NPC1: variants seen among roughly 807,000 people sequenced by gnomAD.
The protein encoded by NPC1 is Niemann-Pick C1 protein.
Under a neutral mutation model 140.4 loss-of-function variants are expected in NPC1, and 85 were observed. That is an observed-to-expected ratio of 0.61 (90% CI 0.51 to 0.72). The LOEUF is 0.72. Ranked by LOEUF, NPC1 falls within the 30% of genes least tolerant of loss-of-function variation. NPC1 has a pLI of 0.00. For missense variants in NPC1, 1,504 were observed against 1,623.8 expected, an observed-to-expected ratio of 0.93 and a Z score of 1.27; for synonymous variants, 656 against 624.8, an observed-to-expected ratio of 1.05 and a Z score of -0.74.
intron 14 of NPC1, among the ~76,000 whole-genome samples, chr18:23,541,773 C>T (rs1420724901): frequency 6.6e-6 from 1 of 152,218 alleles, no homozygotes; most frequent in Non-Finnish European, 1.5e-5. Context: ...CTGTGCTTCA[C>T]TGTAAGAAAT....
intron 1 of NPC1, 106 bp from the exon 2 acceptor site, chr18:23,573,680 C>A: frequency 2.3e-6 from 3 of 1,332,390 alleles, no homozygotes; most frequent in Non-Finnish European, 3.2e-6. Context: ...ATGCTACCTG[C>A]AAAATTAAGT....
At chr18:23,510,322 CAA>C (rs1041112782) in intron 3 of NPC1, among the ~76,000 whole-genome samples, 1 of 133,974 alleles carries the variant, frequency 7.5e-6, no homozygotes, top group Non-Finnish European at 1.6e-5. Context: ...GACCCCATCT[CAA>C]AAAAAAAAAC....
chr18:23,513,401 C>T (rs940656994), intron 3 of NPC1, among the ~76,000 whole-genome samples: 3 of 152,194 alleles, frequency 2.0e-5, no homozygotes, highest in African/African-American at 4.8e-5. Context: ...CTGATAATAC[C>T]GCACTGAGCG....
At chr18:23,524,986 G>T (rs1469149668), downstream of NPC1, among the ~76,000 whole-genome samples, 1 of 106,230 alleles carries the variant, frequency 9.4e-6, no homozygotes, top group Admixed American at 1.5e-4. Context: ...TTTGCTCGTT[G>T]CCCAGGCTGG....
At chr18:23,541,598 T>C (rs924814707) in intron 14 of NPC1, among the ~76,000 whole-genome samples, 165 bp from the exon 15 acceptor site, 2 of 152,344 alleles carry the variant, frequency 1.3e-5, no homozygotes, top group Non-Finnish European at 2.9e-5. Flanking sequence ...CAGGAGGTGA[T>C]AAGCCAGTGC....
At chr18:23,512,411 T>C (rs2057886305) in intron 3 of NPC1, among the ~76,000 whole-genome samples, 1 of 152,136 alleles carries the variant, frequency 6.6e-6, no homozygotes, top group Non-Finnish European at 1.5e-5. Flanking sequence ...TAACTTCCTC[T>C]TAAAATTTTT....
chr18:23,512,516 C>T (rs1242595281), intron 3 of NPC1, among the ~76,000 whole-genome samples: 1 of 151,844 alleles, frequency 6.6e-6, no homozygotes, highest in African/African-American at 2.4e-5. Flanking sequence ...GACCTCCTAG[C>T]CTCACGTAGT....
rs2058521043 is a variant in NPC1, at chr18:23,531,844, T to TG, written c.*357dup. 1 of 1,462,876 alleles carries TG rather than the reference T, an allele frequency of 6.8e-7. No individual in the cohort carries two copies. The highest frequency in any genetic ancestry group is 2.4e-4 in the Middle Eastern group (1 of 4,172). The allele number at this position is 1,462,876 out of a possible 1,614,324, so 90.6% of individuals were successfully genotyped here. A position where few individuals can be genotyped will look rare whatever the true frequency, so the allele number is the denominator to read the frequency against. ...AAAATATGGTATAGAACTTGTGGGATGGCTTACTCCTAAAAGGAGAGACAG... is the reference window on the plus strand; with the variant it reads ...AAAATATGGTATAGAACTTGTGGGATGGGCTTACTCCTAAAAGGAGAGACAG... On this transcript the variant is annotated 3_prime_UTR_variant, in exon 25 of 25. Coordinates refer to ENST00000269228, the MANE Select transcript of NPC1 (RefSeq NM_000271.5).
chr18:23,553,597 A>G (rs147734803), intron 9 of NPC1, among the ~76,000 whole-genome samples: 71 of 152,332 alleles, frequency 4.7e-4, no homozygotes, highest in African/African-American at 1.5e-3. Context: ...GCAAAAAGGA[A>G]TAATTTCTCT....
rs1555639697 is a variant in NPC1, at chr18:23,564,005, T to TTTTTTTG, written c.464-2479_464-2478insCAAAAAA. The stretch of plus-strand genomic sequence containing the variant: ...AGTAAGAGTTTTTTTTTTTTTTTTT[T>TTTTTTTG]GGAGATGGAGTCTCTGTCCCTCAGG... On this transcript the variant is annotated intron_variant, in intron 4 of 24. Transcript: ENST00000269228. Among the ~76,000 whole-genome samples the TTTTTTTG allele has an allele frequency of 5.4e-3, 793 of 147,846 alleles. 9 individuals are homozygous for TTTTTTTG. Among genetic ancestry groups the TTTTTTTG allele is most frequent in the African/African-American group, 0.02 (766 of 38,636 alleles).
intron 20 of NPC1, among the ~76,000 whole-genome samples, chr18:23,537,746 CG>C (rs1377788367): frequency 6.6e-6 from 1 of 152,200 alleles, no homozygotes; most frequent in Non-Finnish European, 1.5e-5. Flanking sequence ...ACTTATTTTA[CG>C]TAGGCCAAAG....
rs867274673 is a variant in NPC1 at position 23,568,915 on chromosome 18, G to T, written c.371C>A (p.Thr124Lys). Residue 124 changes from threonine to lysine, a missense_variant, in exon 4 of 25, where the codon ACA becomes AAA. Coordinates refer to ENST00000269228, the MANE Select transcript of NPC1 (RefSeq NM_000271.5). Reference protein sequence around the residue: ...SPRQSQFLNVTATEDYVDPVT... With the variant: ...SPRQSQFLNVKATEDYVDPVT... ...AGGATCAACATAATCTTCAGTAGCTGTAACATTCAAAAACTGACTCTGTCG... is the reference window on the plus strand; with the variant it reads ...AGGATCAACATAATCTTCAGTAGCTTTAACATTCAAAAACTGACTCTGTCG... 1 of 1,613,744 alleles carries T rather than the reference G, an allele frequency of 6.2e-7. No individual in the cohort carries two copies. The highest frequency in any genetic ancestry group is 1.3e-5 in the African/African-American group (1 of 75,020).
At chr18:23,576,648 G>T in intron 1 of NPC1, 1 of 219,950 alleles carries the variant, frequency 4.5e-6, no homozygotes, top group Non-Finnish European at 7.8e-6. Flanking sequence ...CCCTTCTGAT[G>T]TTCAGATGTT....
chr18:23,540,950 T>A, intron 16 of NPC1, 118 bp downstream of exon 16: 1 of 1,238,874 alleles, frequency 8.1e-7, no homozygotes, highest in Non-Finnish European at 1.2e-6. Flanking sequence ...TTTGCTTTTT[T>A]TTTAGATACA....
intron 1 of NPC1, among the ~76,000 whole-genome samples, chr18:23,584,611 T>A (rs780999554): frequency 5.3e-5 from 8 of 152,190 alleles, no homozygotes; most frequent in Admixed American, 3.9e-4. Context: ...GGCTCACACC[T>A]GTAATCCCCA....
downstream of NPC1, among the ~76,000 whole-genome samples, chr18:23,526,152 C>A (rs2058292442): frequency 6.6e-6 from 1 of 152,168 alleles, no homozygotes; most frequent in Non-Finnish European, 1.5e-5. Flanking sequence ...TGTGGGTGAT[C>A]AGTACATTTA....
intron 2 of NPC1, 152 bp downstream of exon 2, chr18:23,573,300 T>C (rs2059229325): frequency 1.9e-6 from 2 of 1,066,326 alleles, no homozygotes; most frequent in Non-Finnish European, 2.9e-6. Context: ...CTCTGCACTG[T>C]ATGCCACAGG....
At chr18:23,530,361 C>T (rs2058455577), downstream of NPC1, 3 of 1,613,836 alleles carry the variant, frequency 1.9e-6, no homozygotes, top group Non-Finnish European at 2.5e-6. Context: ...TTTGCACTGA[C>T]CTGGACTTCT....
intron 8 of NPC1, 33 bp from the exon 9 acceptor site, chr18:23,555,017 G>A: frequency 7.5e-7 from 1 of 1,331,396 alleles, no homozygotes; most frequent in Non-Finnish European, 1.1e-6. Context: ...AGCAAACCCA[G>A]AAACACGTCA....
Sources: gnomAD v4.1 joint callset for allele counts (sites outside exome capture counted in the v4.1 genomes callset) on GRCh38, gnomAD v4.1.1 for gene constraint, MANE v1.5 for transcripts, NCBI Gene and HGNC (gene_info 2026-07-23, HGNC 2026-07-21) for gene names.